SYT1: variants seen among roughly 807,000 people sequenced by gnomAD.
SYT1 encodes the protein synaptotagmin-1.
In SYT1, 8 loss-of-function variants were observed where a neutral mutation model predicts 44.8. That is an observed-to-expected ratio of 0.18 (90% confidence interval 0.10 to 0.32). The LOEUF is 0.32. Among genes scored for constraint, SYT1 ranks in the 10% least tolerant of loss-of-function variants. The pLI, the probability that SYT1 is intolerant of heterozygous loss-of-function variation, is 1.00. For missense variants in SYT1, 286 were observed against 509.3 expected, an observed-to-expected ratio of 0.56 and a Z score of 4.22; for synonymous variants, 154 against 188.8, an observed-to-expected ratio of 0.82 and a Z score of 1.51.
chr12:79,175,963 T>C (rs1421328705), intron 3 of SYT1, among the ~76,000 whole-genome samples: 1 of 152,102 alleles, frequency 6.6e-6, no homozygotes, highest in African/African-American at 2.4e-5. Flanking sequence ...ATTTTCACAC[T>C]ATTGGTCCTT....
At chr12:78,974,585 C>T (rs1412218243) in intron 1 of SYT1, among the ~76,000 whole-genome samples, 3 of 151,814 alleles carry the variant, frequency 2.0e-5, no homozygotes, top group African/African-American at 4.8e-5. Context: ...TACAGCCACC[C>T]GCCACCATGC....
intron 8 of SYT1, among the ~76,000 whole-genome samples, chr12:79,326,320 A>G (rs1881606015): frequency 1.3e-5 from 2 of 152,224 alleles, no homozygotes; most frequent in Admixed American, 1.3e-4. Flanking sequence ...TGTGAGTTAA[A>G]TTAATTTTGT....
intron 3 of SYT1, among the ~76,000 whole-genome samples, chr12:79,201,482 G>C (rs1873781725): frequency 6.6e-6 from 1 of 152,134 alleles, no homozygotes; most frequent in African/African-American, 2.4e-5. Context: ...CAAAAAGTTA[G>C]CCATATTCCA....
At chr12:79,084,629 C>T (rs1441501347) in intron 3 of SYT1, among the ~76,000 whole-genome samples, 1 of 152,132 alleles carries the variant, frequency 6.6e-6, no homozygotes, top group Non-Finnish European at 1.5e-5. Context: ...ACTACATGCT[C>T]TTTATGAATA....
chr12:79,065,403 T>G (rs1875767585), intron 3 of SYT1, among the ~76,000 whole-genome samples: 1 of 150,304 alleles, frequency 6.7e-6, no homozygotes, highest in East Asian at 2.0e-4. Context: ...AAGAGAGGAG[T>G]GGAGGGGAGG....
chr12:79,073,950 G>A (rs889720239), intron 3 of SYT1, among the ~76,000 whole-genome samples: 5 of 152,004 alleles, frequency 3.3e-5, no homozygotes, highest in African/African-American at 4.8e-5. Context: ...TTACCCTCAC[G>A]TTGTCAATTT....
chr12:79,089,261 G>A (rs17046362), intron 3 of SYT1, among the ~76,000 whole-genome samples: 5,116 of 152,070 alleles, frequency 0.034, 173 homozygotes, highest in South Asian at 0.11. Context: ...GAAGGCTAAA[G>A]TGGACAATTT....
chr12:79,249,897 A>G (rs2138688257), intron 4 of SYT1, among the ~76,000 whole-genome samples: 1 of 152,294 alleles, frequency 6.6e-6, no homozygotes, highest in South Asian at 2.1e-4. Context: ...TCTCCAAATC[A>G]GAATAAGGCA....
chr12:79,008,989 C>T lies in SYT1; in HGVS notation c.-84+31058C>T, dbSNP rs992201754. 3.9e-5 allele frequency among the ~76,000 whole-genome samples: 6 copies of T among 152,246 alleles called. No homozygotes were observed. The East Asian group carries it at 1.2e-3, about 29-fold the overall frequency. On this transcript the variant is annotated intron_variant, in intron 2 of 10. Transcript: ENST00000261205. ...AAAATTTATAGAAACTTTAGCTTTG[C>T]TCTAACCATGTTTATGGTTCCAAGA... is the stretch of plus-strand genomic sequence containing the variant.
chr12:79,039,829 G>A (rs1311088357), intron 2 of SYT1, among the ~76,000 whole-genome samples: 4 of 134,970 alleles, frequency 3.0e-5, no homozygotes, highest in Non-Finnish European at 6.2e-5. Flanking sequence ...GTGTCCATGT[G>A]ATCTCATTGT....
chr12:78,888,537 G>A (rs1186433177), intron 1 of SYT1, among the ~76,000 whole-genome samples: 1 of 151,856 alleles, frequency 6.6e-6, no homozygotes, highest in East Asian at 1.9e-4. Context: ...TTAAAAAGAT[G>A]TTTAGCACCG....
chr12:79,044,943 G>A (rs1873899232), intron 2 of SYT1, among the ~76,000 whole-genome samples: 1 of 152,198 alleles, frequency 6.6e-6, no homozygotes, highest in South Asian at 2.1e-4. Context: ...GCCGCTCGGG[G>A]GTCAGGGACA....
chr12:79,288,858 C>T (rs1212734410), intron 5 of SYT1, among the ~76,000 whole-genome samples: 1 of 152,100 alleles, frequency 6.6e-6, no homozygotes, highest in East Asian at 1.9e-4. Context: ...TCCTCTGCTA[C>T]TTAGACATCC....
intron 1 of SYT1, among the ~76,000 whole-genome samples, chr12:78,937,756 A>G (rs947339684): frequency 6.6e-6 from 1 of 152,164 alleles, no homozygotes; most frequent in African/African-American, 2.4e-5. Context: ...CAATTTCTGG[A>G]AAATTCTATA....
At chr12:79,230,384 G>A (rs1875800625) in intron 4 of SYT1, among the ~76,000 whole-genome samples, 1 of 151,866 alleles carries the variant, frequency 6.6e-6, no homozygotes. Flanking sequence ...GAAGATTTTT[G>A]TACTGAAATA....
intron 8 of SYT1, among the ~76,000 whole-genome samples, chr12:79,315,760 A>T (rs1212881265): frequency 1.3e-5 from 2 of 152,180 alleles, no homozygotes; most frequent in Non-Finnish European, 2.9e-5. Flanking sequence ...CACTTTTTAG[A>T]GATGAGGAAC....
At chr12:79,327,472 C>T (rs957666042) in intron 8 of SYT1, among the ~76,000 whole-genome samples, 2 of 152,092 alleles carry the variant, frequency 1.3e-5, no homozygotes, top group African/African-American at 4.8e-5. Context: ...CCAAAAATAC[C>T]CATGCCCTAT....
intron 3 of SYT1, among the ~76,000 whole-genome samples, chr12:79,065,842 C>T (rs1428601363): frequency 2.0e-5 from 3 of 151,916 alleles, no homozygotes; most frequent in Non-Finnish European, 4.4e-5. Flanking sequence ...TCCTTCTTTT[C>T]ACTATCTTAT....
chr12:78,995,060 T>TA (rs1592643444), intron 2 of SYT1, among the ~76,000 whole-genome samples: 1 of 152,148 alleles, frequency 6.6e-6, no homozygotes, highest in African/African-American at 2.4e-5. Context: ...TGGGGAGTTT[T>TA]AAAAATACTG....
Sources: gnomAD v4.1 joint callset for allele counts (sites outside exome capture counted in the v4.1 genomes callset) on GRCh38, gnomAD v4.1.1 for gene constraint, MANE v1.5 for transcripts, NCBI Gene and HGNC (gene_info 2026-07-23, HGNC 2026-07-21) for gene names.